MATN2: variants seen among roughly 807,000 people sequenced by gnomAD.
MATN2 encodes the protein matrilin-2.
Under a neutral mutation model 103.2 loss-of-function variants are expected in MATN2, and 69 were observed. The observed-to-expected ratio is 0.67, with a 90% CI of 0.55 to 0.82. The LOEUF is 0.82. MATN2 is among the 40% of genes least tolerant of loss of function. The pLI is 0.00. For synonymous variants in MATN2, 429 were observed against 450.2 expected (o/e 0.95, Z 0.60); for missense variants, 1,023 against 1,211.5 (o/e 0.84, Z 2.31).
chr8:98,011,154 A>T (rs1813145317), intron 10 of MATN2, among the ~76,000 whole-genome samples: 1 of 152,126 alleles, frequency 6.6e-6, no homozygotes, highest in Non-Finnish European at 1.5e-5. Flanking sequence ...AGAGCAAAAG[A>T]GTGCAGGCAA....
chr8:97,937,568 C>G lies in MATN2; in HGVS notation c.713-4209C>G, dbSNP rs189182670. Among the ~76,000 whole-genome samples the G allele has an allele frequency of 2.6e-5, 4 of 151,032 alleles. No individual in the cohort carries two copies. The East Asian group carries it at 5.9e-4, about 22-fold the overall frequency. The stretch of plus-strand genomic sequence containing the variant: ...ACCCAATGCAATAGTTCTTTTAATT[C>G]CCCCTCCCCACTAACTTTTTTTTTT... On this transcript the variant is annotated intron_variant, in intron 3 of 18. Transcript: ENST00000254898.
Position 98,018,015 on chromosome 8 carries a change from T to C in MATN2, c.1718T>C (p.Ile573Thr). 1 of 1,613,760 alleles carries C rather than the reference T, an allele frequency of 6.2e-7. No homozygotes were observed. The highest frequency in any genetic ancestry group is 1.6e-4 in the Middle Eastern group (1 of 6,062). Residue 573 changes from isoleucine (I) to threonine (T), a missense_variant, in exon 12 of 19, where the codon ATA becomes ACA. By Grantham distance (89) the Ile-to-Thr change is moderately conservative. Coordinates refer to ENST00000254898, the MANE Select transcript of MATN2 (RefSeq NM_002380.5). Reference sequence around the variant, plus strand: ...TCAGGGAAAGATGTCTGCCAAGCTATAGACCATGGCTGTGAACACATTTGT... The same window carrying C: ...TCAGGGAAAGATGTCTGCCAAGCTACAGACCATGGCTGTGAACACATTTGT... ...TCRRKDVCQA[I>T]DHGCEHICVN... is the part of the protein sequence containing the mutation.
chr8:97,928,594 T>C (rs2331808), intron 2 of MATN2, among the ~76,000 whole-genome samples: 67,641 of 151,890 alleles, frequency 0.45, 15,800 homozygotes, highest in East Asian at 0.84. Flanking sequence ...TGGCTGGATT[T>C]CAGTTCCTCT....
At chr8:98,019,120 T>C (rs2959642) in intron 12 of MATN2, among the ~76,000 whole-genome samples, 17,531 of 150,142 alleles carry the variant, frequency 0.12, 1,068 homozygotes, top group East Asian at 0.19. Flanking sequence ...TATATATATA[T>C]ACACACACAT....
chr8:97,887,302 C>T (rs1348697387), intron 1 of MATN2, among the ~76,000 whole-genome samples: 7 of 152,096 alleles, frequency 4.6e-5, no homozygotes. Context: ...TCTATCTAGG[C>T]CTCCTAAAGC....
rs1308667018 is a variant in MATN2 at position 98,005,628 on chromosome 8, G to A, written c.1328-1477G>A. 6.6e-6 allele frequency among the ~76,000 whole-genome samples: 1 copy of A among 152,202 alleles called. No individual in the cohort carries two copies. The highest frequency in any genetic ancestry group is 1.5e-5 in the Non-Finnish European group (1 of 68,036). ...CTGTTTCTGTCTCGCAGTCCTTAGA[G>A]AAAGCCACAGGCTTCTGCTTTCTCA... On this transcript the variant is annotated intron_variant, in intron 8 of 18. Coordinates refer to ENST00000254898, the MANE Select transcript of MATN2 (RefSeq NM_002380.5). This position sits in a 1 kb window ranked among gnomAD's most constrained non-coding sequence, Gnocchi z 4.6.
chr8:97,955,541 C>T (rs762670486), intron 4 of MATN2, among the ~76,000 whole-genome samples: 10 of 152,226 alleles, frequency 6.6e-5, no homozygotes, highest in Non-Finnish European at 1.5e-4. Context: ...TCATCCCCAG[C>T]TGTCCCATTT....
intron 4 of MATN2, among the ~76,000 whole-genome samples, chr8:97,945,713 A>ATATATATATATAT (rs1296035831): frequency 1.0e-4 from 7 of 69,486 alleles, no homozygotes; most frequent in African/African-American, 4.5e-4. Context: ...TAGAAAAAAA[A>ATATATATATATAT]AAAAATATAT....
At chr8:97,896,432 C>A (rs1289141934) in intron 2 of MATN2, among the ~76,000 whole-genome samples, 2 of 152,166 alleles carry the variant, frequency 1.3e-5, no homozygotes, top group East Asian at 1.9e-4. Flanking sequence ...ATTCTGGAAG[C>A]CAAGGAAGGA....
intron 6 of MATN2, among the ~76,000 whole-genome samples, chr8:97,990,056 C>A (rs1300981682): frequency 6.6e-6 from 1 of 151,614 alleles, no homozygotes; most frequent in Admixed American, 6.6e-5. Flanking sequence ...GTGGCAGGTG[C>A]CTGTAATCCT....
chr8:97,958,312 T>G (rs2512034), intron 4 of MATN2, among the ~76,000 whole-genome samples: 148,357 of 152,326 alleles, frequency 0.97, 72,325 homozygotes, highest in Non-Finnish European at 1. Flanking sequence ...GGAGGACCCA[T>G]GTGGAGAAGC....
chr8:97,881,714 AT>A (rs1818258974), intron 1 of MATN2, among the ~76,000 whole-genome samples: 1 of 152,098 alleles, frequency 6.6e-6, no homozygotes, highest in Non-Finnish European at 1.5e-5. Context: ...ATGGGTCCTG[AT>A]CTTCAAATGC....
chr8:97,979,146 C>T (rs1811941794), intron 6 of MATN2, 138 bp downstream of exon 6: 2 of 968,616 alleles, frequency 2.1e-6, no homozygotes, highest in Non-Finnish European at 3.0e-6. Flanking sequence ...CCCATTCCTC[C>T]TCTGTCAGGA....
intron 13 of MATN2, chr8:98,025,610 G>A (rs1813762055): frequency 3.5e-6 from 1 of 283,250 alleles, no homozygotes; most frequent in South Asian, 2.6e-5. Flanking sequence ...GCCAGGCATG[G>A]TGGCATGTGC....
chr8:97,916,699 C>T (rs1004051872), intron 2 of MATN2, among the ~76,000 whole-genome samples: 4 of 152,054 alleles, frequency 2.6e-5, no homozygotes, highest in Non-Finnish European at 4.4e-5. Context: ...CGAGAGAGGA[C>T]GTGAGGGGTA....
At chr8:97,871,810 G>A (rs1817908206) in intron 1 of MATN2, among the ~76,000 whole-genome samples, 1 of 152,208 alleles carries the variant, frequency 6.6e-6, no homozygotes, top group Admixed American at 6.5e-5. Flanking sequence ...GAATGGCAGG[G>A]CTGGGCTGTT....
intron 12 of MATN2, 146 bp downstream of exon 12, chr8:98,018,262 A>AACT: frequency 9.6e-7 from 1 of 1,044,802 alleles, no homozygotes; most frequent in Non-Finnish European, 1.4e-6. Flanking sequence ...GTTTAGCTAG[A>AACT]GATCAGTTCA....
intron 17 of MATN2, among the ~76,000 whole-genome samples, 179 bp downstream of exon 17, chr8:98,033,355 G>A (rs1814110660): frequency 6.6e-6 from 1 of 152,238 alleles, no homozygotes; most frequent in Non-Finnish European, 1.5e-5. Context: ...CTCAAGTAGT[G>A]TTCCTCAGTA....
intron 5 of MATN2, among the ~76,000 whole-genome samples, chr8:97,977,684 A>G (rs903477928): frequency 6.6e-6 from 1 of 151,972 alleles, no homozygotes; most frequent in African/African-American, 2.4e-5. Context: ...ATTCAGACTA[A>G]AAGCTGAGGT....
Sources: gnomAD v4.1 joint callset for allele counts (sites outside exome capture counted in the v4.1 genomes callset) on GRCh38, gnomAD v4.1.1 for gene constraint, Gnocchi (gnomAD v3.1) non-coding constraint, MANE v1.5 for transcripts, NCBI Gene and HGNC (gene_info 2026-07-23, HGNC 2026-07-21) for gene names.